The following NEIL3 variants were observed in gnomAD, a reference collection of about 807,000 sequenced individuals.
The protein encoded by NEIL3 is endonuclease 8-like 3.
NEIL3 carries 48 observed loss-of-function variants against 57.5 expected under a neutral mutation model. The observed-to-expected ratio is 0.83, with a 90% confidence interval of 0.66 to 1.06. NEIL3 has a LOEUF of 1.06. Ranked by LOEUF, NEIL3 falls within the 50% of genes least tolerant of loss-of-function variation. The pLI, the probability that NEIL3 is intolerant of heterozygous loss-of-function variation, is 0.00. For missense variants in NEIL3, 717 were observed against 739.1 expected (o/e 0.97, Z 0.35); for synonymous variants, 261 against 253.2 (o/e 1.03, Z -0.29).
chr4:177,369,523 G>A, the NEIL3 span, among the ~76,000 whole-genome samples: 4,791 of 152,230 alleles, frequency 0.031, 118 homozygotes, highest in Non-Finnish European at 0.052. Context: ...CCCATGGGCA[G>A]ATAAGCAAGC....
intron 2 of NEIL3, among the ~76,000 whole-genome samples, chr4:177,327,043 G>A (rs930851803): frequency 1.3e-5 from 2 of 152,042 alleles, no homozygotes; most frequent in Admixed American, 1.3e-4. Context: ...CCCCCATGCT[G>A]TTCTTGTGAT....
chr4:177,329,326 A>G (rs1203954777), intron 2 of NEIL3, among the ~76,000 whole-genome samples: 4 of 152,160 alleles, frequency 2.6e-5, no homozygotes, highest in Non-Finnish European at 5.9e-5. Context: ...GAATAAAAAC[A>G]CAAGACCCAA....
At chr4:177,343,099 A>G (rs539762115) in intron 6 of NEIL3, 4 of 152,332 alleles carry the variant, frequency 2.6e-5, no homozygotes, top group East Asian at 1.9e-4. Flanking sequence ...AAAAGTCAAC[A>G]AGGACTGTGG....
In NEIL3 at chr4:177,353,408, C is replaced by T. The variant is rs1735403049; in HGVS notation, c.1140C>T (p.Asn380=). The change falls in exon 8 of 10, where the codon AAC becomes AAT. Residue 380 remains asparagine (N), a synonymous_variant. Coordinates refer to ENST00000264596, the MANE Select transcript of NEIL3 (RefSeq NM_018248.3). ...AACCTCATACAGAAGTCAAGATCAA[C>T]AGAAAAACTGCATTTGGAACTACAA... The part of the protein sequence containing the change: ...FGKPHTEVKI[N]RKTAFGTTTL... 2.5e-6 allele frequency: 4 copies of T among 1,613,640 alleles called. No individual in the cohort carries two copies. The highest frequency in any genetic ancestry group is 1.7e-5 in the Admixed American group (1 of 59,982).
chr4:177,323,648 T>G (rs1734728820), intron 2 of NEIL3, among the ~76,000 whole-genome samples: 1 of 152,210 alleles, frequency 6.6e-6, no homozygotes, highest in Non-Finnish European at 1.5e-5. Context: ...CAGGTTACAC[T>G]GCTGCTGTAG....
chr4:177,310,205 TCTGGCCCAGGTTTC>T, intron 1 of NEIL3, 96 bp downstream of exon 1: 1 of 1,309,978 alleles, frequency 7.6e-7, no homozygotes, highest in Non-Finnish European at 1.0e-6. Context: ...ATCTCTTTGC[TCTGGCCCAGGTTTC>T]CTGGGGTCCC....
chr4:177,343,592 T>C (rs1735143878), intron 6 of NEIL3: 1 of 152,280 alleles, frequency 6.6e-6, no homozygotes, highest in African/African-American at 2.4e-5. Flanking sequence ...CAGAACTGCG[T>C]GCTTTTTCTT....
At chr4:177,352,208 C>T (rs1384848871) in intron 7 of NEIL3, among the ~76,000 whole-genome samples, 1 of 152,188 alleles carries the variant, frequency 6.6e-6, no homozygotes, top group Non-Finnish European at 1.5e-5. Context: ...CTGACTTACG[C>T]ACCCCTGCAT....
chr4:177,364,144 A>C (rs1240814543), downstream of NEIL3, among the ~76,000 whole-genome samples: 1 of 152,152 alleles, frequency 6.6e-6, no homozygotes, highest in African/African-American at 2.4e-5. Flanking sequence ...ATTGTTTAAA[A>C]GACAGCGTTC....
At chr4:177,370,769 C>T in the NEIL3 span, among the ~76,000 whole-genome samples, 54 of 152,102 alleles carry the variant, frequency 3.6e-4, no homozygotes, top group African/African-American at 1.1e-3. Context: ...GGTGTGGTGG[C>T]GAGCACCTGT....
chr4:177,367,659 A>G (rs559678971), downstream of NEIL3, among the ~76,000 whole-genome samples: 2 of 152,288 alleles, frequency 1.3e-5, no homozygotes, highest in South Asian at 2.1e-4. Context: ...GCGAGATGCT[A>G]TGTGGTCTGC....
At chr4:177,336,396 T>A in intron 4 of NEIL3, 75 bp downstream of exon 4, 2 of 1,119,072 alleles carry the variant, frequency 1.8e-6, no homozygotes, top group Non-Finnish European at 1.3e-6. Flanking sequence ...AAGCCTTAAC[T>A]CTGCATTTCA....
At chr4:177,315,518 G>T (rs969706052) in intron 1 of NEIL3, among the ~76,000 whole-genome samples, 2 of 152,184 alleles carry the variant, frequency 1.3e-5, no homozygotes, top group Non-Finnish European at 2.9e-5. Context: ...GGACAATTAC[G>T]TATAGTCATA....
chr4:177,359,159 C>T (rs1310008464), intron 8 of NEIL3, among the ~76,000 whole-genome samples: 1 of 152,124 alleles, frequency 6.6e-6, no homozygotes, highest in Non-Finnish European at 1.5e-5. Flanking sequence ...TCTGGTATTA[C>T]CCATGACTTG....
intron 8 of NEIL3, among the ~76,000 whole-genome samples, chr4:177,358,191 G>C (rs66521171): frequency 0.16 from 25,092 of 152,188 alleles, 2,250 homozygotes; most frequent in Non-Finnish European, 0.21. Context: ...CAGGAGTAGG[G>C]GTGGATATGT....
chr4:177,337,612 G>A (rs750654467), intron 4 of NEIL3, among the ~76,000 whole-genome samples: 5 of 152,144 alleles, frequency 3.3e-5, no homozygotes, highest in East Asian at 1.9e-4. Flanking sequence ...GTTGTTATCT[G>A]TGATGCACTG....
At chr4:177,349,312 C>T (rs1735302404) in intron 6 of NEIL3, among the ~76,000 whole-genome samples, 1 of 152,134 alleles carries the variant, frequency 6.6e-6, no homozygotes, top group African/African-American at 2.4e-5. Context: ...ACATCAGTTT[C>T]ATTGAACCAA....
chr4:177,362,489 G>A lies in NEIL3; in HGVS notation c.*18G>A. On this transcript the variant is annotated 3_prime_UTR_variant, in exon 10 of 10. Transcript: ENST00000264596. ...GATGCTAATATCTGTAGATTCTCTG[G>A]CATTTAGTCTCTTCAAACTGTGTAT... 1 of 1,585,486 alleles carries A rather than the reference G, an allele frequency of 6.3e-7. No individual in the cohort carries two copies. The highest frequency in any genetic ancestry group is 1.3e-5 in the African/African-American group (1 of 74,226).
chr4:177,338,945 C>G (rs1735030661), intron 4 of NEIL3, among the ~76,000 whole-genome samples: 1 of 151,876 alleles, frequency 6.6e-6, no homozygotes, highest in Non-Finnish European at 1.5e-5. Flanking sequence ...AATAAATATT[C>G]AATAAATGCT....
Sources: gnomAD v4.1 joint callset for allele counts (sites outside exome capture counted in the v4.1 genomes callset) on GRCh38, gnomAD v4.1.1 for gene constraint, MANE v1.5 for transcripts, NCBI Gene and HGNC (gene_info 2026-07-23, HGNC 2026-07-21) for gene names.